Variants in CLSTN1 observed in about 807,000 individuals in gnomAD.
CLSTN1 encodes the protein calsyntenin-1.
A neutral mutation model predicts 108.3 loss-of-function variants in CLSTN1; 28 were observed. The observed-to-expected ratio is 0.26, with a 90% CI of 0.19 to 0.35. The LOEUF (loss-of-function observed/expected upper bound fraction) is 0.35, where lower values mean the gene tolerates loss of function less well. Ranked by LOEUF, CLSTN1 falls within the 10% of genes least tolerant of loss-of-function variation. The pLI is 1.00. For synonymous variants in CLSTN1, 524 were observed against 534.9 expected (o/e 0.98, Z 0.28); for missense variants, 1,157 against 1,302.6 (o/e 0.89, Z 1.72).
At chr1:9,793,954 G>C (rs1653877932) in intron 1 of CLSTN1, among the ~76,000 whole-genome samples, 1 of 151,370 alleles carries the variant, frequency 6.6e-6, no homozygotes, top group African/African-American at 2.4e-5. Flanking sequence ...TCCCCCATAA[G>C]TGCTCACTTC....
At chr1:9,807,573 A>G (rs1654559268) in intron 1 of CLSTN1, among the ~76,000 whole-genome samples, 1 of 152,228 alleles carries the variant, frequency 6.6e-6, no homozygotes. Context: ...CTTTGATGAA[A>G]AACACTAAGC....
intron 5 of CLSTN1, 139 bp from the exon 6 acceptor site, chr1:9,750,052 T>A (rs1651479998): frequency 4.4e-6 from 3 of 683,554 alleles, no homozygotes; most frequent in Non-Finnish European, 4.9e-6. Context: ...TTGGGATGCT[T>A]AACCCTCAAC....
intron 1 of CLSTN1, among the ~76,000 whole-genome samples, chr1:9,774,889 A>C (rs190328840): frequency 3.9e-5 from 6 of 152,276 alleles, no homozygotes; most frequent in African/African-American, 1.4e-4. Context: ...ATTATTCATG[A>C]GTTTTCCCGG....
chr1:9,744,737 A>C, intron 7 of CLSTN1, 94 bp from the exon 8 acceptor site: 1 of 1,377,738 alleles, frequency 7.3e-7, no homozygotes, highest in Admixed American at 2.8e-5. Context: ...CACTTAGGCA[A>C]TCTGCTGGCT....
chr1:9,789,727 C>A (rs1653675065), intron 1 of CLSTN1, among the ~76,000 whole-genome samples: 1 of 151,464 alleles, frequency 6.6e-6, no homozygotes, highest in African/African-American at 2.4e-5. Context: ...GCCTGTAATC[C>A]CAGCACTTTG....
In CLSTN1 at chr1:9,735,631, CCA is replaced by C. The variant is rs1284137933; in HGVS notation, c.1735-18_1735-17del. On this transcript the variant is annotated splice_polypyrimidine_tract_variant and intron_variant, in intron 12 of 18. Coordinates refer to ENST00000377298, the MANE Select transcript of CLSTN1 (RefSeq NM_001009566.3). ...GTGCTTGGATCTGAAATCACACCAGCCACAGAGAGGAGAAGAATAAGCCAGTA... is the reference window on the plus strand; with the variant it reads ...GTGCTTGGATCTGAAATCACACCAGCCAGAGAGGAGAAGAATAAGCCAGTA... 1 of 1,613,868 alleles carries C rather than the reference CCA, an allele frequency of 6.2e-7. No individual in the cohort carries two copies. Among genetic ancestry groups the C allele is most frequent in the African/African-American group, 1.3e-5 (1 of 74,882 alleles).
chr1:9,751,057 A>C (rs527474742), intron 5 of CLSTN1, among the ~76,000 whole-genome samples: 106 of 152,062 alleles, frequency 7.0e-4, no homozygotes, highest in Admixed American at 2.0e-3. Flanking sequence ...AGAGTGAGAA[A>C]CTGTCTCAAA....
chr1:9,757,300 G>A (rs1651863112), intron 2 of CLSTN1, among the ~76,000 whole-genome samples: 1 of 148,922 alleles, frequency 6.7e-6, no homozygotes, highest in Non-Finnish European at 1.5e-5. Flanking sequence ...GGAGTGCAGT[G>A]GCGTGATCTC....
intron 2 of CLSTN1, among the ~76,000 whole-genome samples, chr1:9,757,468 C>T (rs890143344): frequency 1.3e-5 from 2 of 152,012 alleles, no homozygotes; most frequent in African/African-American, 4.8e-5. Flanking sequence ...GTCTCGATCT[C>T]CTGACCTCAT....
intron 11 of CLSTN1, 38 bp downstream of exon 11, chr1:9,737,460 G>A (rs1180780628): frequency 2.5e-6 from 4 of 1,585,560 alleles, no homozygotes; most frequent in Non-Finnish European, 3.5e-6. Flanking sequence ...ATCTTTAAAT[G>A]AAACACAATA....
At chr1:9,771,973 G>T (rs1464019153) in intron 2 of CLSTN1, among the ~76,000 whole-genome samples, 2 of 150,808 alleles carry the variant, frequency 1.3e-5, no homozygotes, top group Non-Finnish European at 3.0e-5. Flanking sequence ...TAGACAAATA[G>T]AACACTTTTT....
At chr1:9,807,428 G>T (rs1404118810) in intron 1 of CLSTN1, among the ~76,000 whole-genome samples, 3 of 152,182 alleles carry the variant, frequency 2.0e-5, no homozygotes, top group African/African-American at 7.2e-5. Context: ...GAATAGCTGG[G>T]AGTTACATCA....
chr1:9,786,660 A>AAC, intron 1 of CLSTN1, among the ~76,000 whole-genome samples: 1 of 150,012 alleles, frequency 6.7e-6, no homozygotes, highest in African/African-American at 2.4e-5. Flanking sequence ...AAAAAAAAAA[A>AAC]AAAAAAAAAA....
Position 9,730,563 on chromosome 1 carries a change from TG to T in CLSTN1, c.2890del (p.Gln964ArgfsTer53). The T allele has an allele frequency of 1.2e-6, 2 of 1,608,606 alleles. No homozygotes were observed. ...CAGCTGCTGCTGCCGGGTTGCGTTC[TG>T]GGGGTCGCCCTGCTCCCCCTCCTCC... ...EEEEGEQGDP[Q>X]NATRQQQLEW... On this transcript the variant is annotated frameshift_variant, in exon 19 of 19. Coordinates refer to ENST00000377298, the MANE Select transcript of CLSTN1 (RefSeq NM_001009566.3). LOFTEE classifies it high-confidence loss of function. This position sits in a 1 kb window ranked among gnomAD's most constrained non-coding sequence, Gnocchi z 5.6.
chr1:9,754,241 G>A (rs1298823857), intron 4 of CLSTN1, among the ~76,000 whole-genome samples: 1 of 151,846 alleles, frequency 6.6e-6, no homozygotes, highest in Non-Finnish European at 1.5e-5. Flanking sequence ...AGTATTTGGT[G>A]TGATAAAATT....
In CLSTN1 at chr1:9,730,538, C is replaced by A; in HGVS notation, c.2916G>T (p.Leu972=). ...DPQNATRQQQ[L]EWDDSTLSY is the part of the protein sequence containing the mutation. Reference sequence around the variant, plus strand: ...AGCTGAGGGTGGAGTCATCCCACTCCAGCTGCTGCTGCCGGGTTGCGTTCT... The same window carrying A: ...AGCTGAGGGTGGAGTCATCCCACTCAAGCTGCTGCTGCCGGGTTGCGTTCT... Residue 972 remains leucine, a synonymous_variant, in exon 19 of 19, where the codon CTG becomes CTT. Coordinates refer to ENST00000377298, the MANE Select transcript of CLSTN1 (RefSeq NM_001009566.3). This position sits in a 1 kb window ranked among gnomAD's most constrained non-coding sequence, Gnocchi z 5.6. 6.2e-7 allele frequency: 1 copy of A among 1,606,636 alleles called. No homozygotes were observed. Among genetic ancestry groups the A allele is most frequent in the Non-Finnish European group, 8.5e-7 (1 of 1,179,976 alleles).
rs1309860798 is a variant in CLSTN1, at chr1:9,768,577, G to T, written c.214+4695C>A. Among the ~76,000 whole-genome samples the T allele has an allele frequency of 5.5e-4, 68 of 123,260 alleles. 1 individual carries two copies. Among genetic ancestry groups the T allele is most frequent in the African/African-American group, 1.9e-3 (64 of 32,986 alleles). The allele number at this position is 123,260 out of a possible 152,430, so 80.9% of individuals were successfully genotyped here. On this transcript the variant is annotated intron_variant, in intron 2 of 18. Coordinates refer to ENST00000377298, the MANE Select transcript of CLSTN1 (RefSeq NM_001009566.3). ...GTGCTGGGTGGCACCATGGGGGCGG[G>T]GTTCTGTGCTGGGTGGCACCATGGG...
intron 1 of CLSTN1, among the ~76,000 whole-genome samples, chr1:9,782,761 C>T (rs1351848902): frequency 6.6e-6 from 1 of 151,726 alleles, no homozygotes; most frequent in Non-Finnish European, 1.5e-5. Context: ...AATCCTAGCA[C>T]TTTGGGAGGC....
At chr1:9,775,736 G>A (rs1356855998) in intron 1 of CLSTN1, among the ~76,000 whole-genome samples, 2 of 152,140 alleles carry the variant, frequency 1.3e-5, no homozygotes, top group Non-Finnish European at 2.9e-5. Context: ...GCTTGAAAAC[G>A]TTGTTTCCAA....
Sources: gnomAD v4.1 joint callset for allele counts (sites outside exome capture counted in the v4.1 genomes callset) on GRCh38, gnomAD v4.1.1 for gene constraint, Gnocchi (gnomAD v3.1) non-coding constraint, MANE v1.5 for transcripts, NCBI Gene and HGNC (gene_info 2026-07-23, HGNC 2026-07-21) for gene names.